BRINP1: variants seen among roughly 807,000 people sequenced by gnomAD.
BRINP1 encodes the protein BMP/retinoic acid inducible neural specific 1, also known as BMP/retinoic acid-inducible neural-specific protein 1.
A neutral mutation model predicts 72.9 loss-of-function variants in BRINP1; 17 were observed. That is an observed-to-expected ratio of 0.23 (90% confidence interval 0.16 to 0.35). The LOEUF is 0.35. Ranked by LOEUF, BRINP1 falls within the 10% of genes least tolerant of loss-of-function variation. BRINP1 has a pLI of 1.00. For missense variants in BRINP1, 850 were observed against 1,001.6 expected (o/e 0.85, Z 2.04); for synonymous variants, 418 against 378.5 (o/e 1.10, Z -1.21).
chr9:119,281,995 T>G (rs1564237585), intron 2 of BRINP1, among the ~76,000 whole-genome samples: 1 of 152,250 alleles, frequency 6.6e-6, no homozygotes, highest in African/African-American at 2.4e-5. Context: ...CTGCACACAT[T>G]GTGAGTATTT....
At chr9:119,309,254 C>T (rs948632975) in intron 2 of BRINP1, among the ~76,000 whole-genome samples, 3 of 152,134 alleles carry the variant, frequency 2.0e-5, no homozygotes, top group East Asian at 1.9e-4. Flanking sequence ...AGTCTCAGAG[C>T]GGTTGAAACT....
chr9:119,320,343 T>C (rs372927452), intron 1 of BRINP1, among the ~76,000 whole-genome samples: 4 of 152,174 alleles, frequency 2.6e-5, no homozygotes, highest in East Asian at 1.9e-4. Context: ...TCAAAAAGCA[T>C]TGTGGATGGT....
At chr9:119,324,942 A>C (rs1387773238) in intron 1 of BRINP1, among the ~76,000 whole-genome samples, 1 of 152,108 alleles carries the variant, frequency 6.6e-6, no homozygotes, top group African/African-American at 2.4e-5. Flanking sequence ...TCTACTAAAA[A>C]TACAAAAATT....
At chr9:119,300,592 T>G (rs1830929733) in intron 2 of BRINP1, among the ~76,000 whole-genome samples, 1 of 152,182 alleles carries the variant, frequency 6.6e-6, no homozygotes, top group Admixed American at 6.5e-5. Context: ...CCTCTCTTAA[T>G]AGTCCCCTCC....
At chr9:119,238,557 TA>T (rs1830214012) in intron 5 of BRINP1, 97 bp downstream of exon 5, 4 of 663,980 alleles carry the variant, frequency 6.0e-6, no homozygotes, top group Non-Finnish European at 1.0e-5. Context: ...TCCTCTTCTT[TA>T]TTCTCCCTTC....
intron 3 of BRINP1, among the ~76,000 whole-genome samples, chr9:119,247,842 A>T (rs1221123): frequency 6.6e-6 from 1 of 152,276 alleles, no homozygotes; most frequent in Non-Finnish European, 1.5e-5. Flanking sequence ...AGTTTTGAGG[A>T]CTAAAGACAA....
At chr9:119,364,445 C>T (rs1324624) in intron 1 of BRINP1, among the ~76,000 whole-genome samples, 96,862 of 152,032 alleles carry the variant, frequency 0.64, 31,330 homozygotes, top group East Asian at 1. Context: ...AAAGTTTGGT[C>T]ATTGAGAAAC....
chr9:119,331,460 G>T (rs973711747), intron 1 of BRINP1, among the ~76,000 whole-genome samples: 1 of 152,220 alleles, frequency 6.6e-6, no homozygotes, highest in Admixed American at 6.5e-5. Flanking sequence ...AGCACACAGA[G>T]CCCAAAGAAA....
chr9:119,333,544 A>G (rs1433129249), intron 1 of BRINP1, among the ~76,000 whole-genome samples: 1 of 151,842 alleles, frequency 6.6e-6, no homozygotes, highest in Non-Finnish European at 1.5e-5. Flanking sequence ...TCCAGATTTC[A>G]TTAAAAATTC....
chr9:119,330,803 G>T (rs1212058332), intron 1 of BRINP1, among the ~76,000 whole-genome samples: 1 of 152,030 alleles, frequency 6.6e-6, no homozygotes, highest in Non-Finnish European at 1.5e-5. Flanking sequence ...TGAGGCGGGG[G>T]GATCACGACT....
At chr9:119,361,551 A>C (rs986073029) in intron 1 of BRINP1, among the ~76,000 whole-genome samples, 3 of 152,208 alleles carry the variant, frequency 2.0e-5, no homozygotes, top group Non-Finnish European at 4.4e-5. Flanking sequence ...CTTATGAGGA[A>C]GCACAGCTAC....
chr9:119,367,411 C>T (rs545200966), intron 1 of BRINP1, among the ~76,000 whole-genome samples: 9 of 151,900 alleles, frequency 5.9e-5, no homozygotes, highest in East Asian at 2.0e-4. Flanking sequence ...GAACGGCTGC[C>T]GCTTACCTTG....
intron 1 of BRINP1, among the ~76,000 whole-genome samples, chr9:119,341,772 T>C (rs892715350): frequency 2.0e-5 from 3 of 152,242 alleles, no homozygotes; most frequent in East Asian, 3.9e-4. Context: ...GTATTATTAT[T>C]ATTATTATTG....
At chr9:119,197,933 A>G (rs1829757245) in intron 7 of BRINP1, among the ~76,000 whole-genome samples, 1 of 152,240 alleles carries the variant, frequency 6.6e-6, no homozygotes, top group South Asian at 2.1e-4. Flanking sequence ...AAGACAAGTT[A>G]TTGACAAAAA....
chr9:119,311,901 T>C (rs1369340948), intron 2 of BRINP1, among the ~76,000 whole-genome samples: 1 of 152,208 alleles, frequency 6.6e-6, no homozygotes, highest in Non-Finnish European at 1.5e-5. Context: ...AATCAGTGTG[T>C]AGACCCTAGC....
At chr9:119,292,680 T>C (rs973255444) in intron 2 of BRINP1, among the ~76,000 whole-genome samples, 2 of 152,180 alleles carry the variant, frequency 1.3e-5, no homozygotes, top group East Asian at 3.9e-4. Context: ...GTGTCTTTCA[T>C]ACAATAAGTG....
At chr9:119,310,757 T>C (rs1488303228) in intron 2 of BRINP1, among the ~76,000 whole-genome samples, 1 of 152,156 alleles carries the variant, frequency 6.6e-6, no homozygotes, top group East Asian at 1.9e-4. Flanking sequence ...ACGTGCCGTG[T>C]CCATGCTAGC....
chr9:119,258,896 C>T (rs1051890080), intron 2 of BRINP1, among the ~76,000 whole-genome samples: 2 of 152,174 alleles, frequency 1.3e-5, no homozygotes, highest in Non-Finnish European at 2.9e-5. Flanking sequence ...GGAAAATCTG[C>T]ACCAGATCTG....
intron 3 of BRINP1, among the ~76,000 whole-genome samples, chr9:119,244,701 G>A (rs1830296434): frequency 6.6e-6 from 1 of 152,142 alleles, no homozygotes; most frequent in Non-Finnish European, 1.5e-5. Context: ...GATCAAGAGG[G>A]GTTAATGGGC....
Sources: gnomAD v4.1 joint callset for allele counts (sites outside exome capture counted in the v4.1 genomes callset) on GRCh38, gnomAD v4.1.1 for gene constraint, MANE v1.5 for transcripts, NCBI Gene and HGNC (gene_info 2026-07-23, HGNC 2026-07-21) for gene names.